FTCD: variants seen among roughly 807,000 people sequenced by gnomAD.
FTCD encodes formimidoyltransferase cyclodeaminase.
Under a neutral mutation model 62.9 loss-of-function variants are expected in FTCD, and 76 were observed. The ratio of observed to expected loss-of-function variants is 1.21; its 90% confidence interval spans 1.00 to 1.46. The LOEUF is 1.46. Ranked by LOEUF, FTCD falls within the 40% of genes most tolerant of loss-of-function variation. The pLI is 0.00. For synonymous variants in FTCD, 397 were observed against 336.9 expected (o/e 1.18, Z -1.95); for missense variants, 845 against 751.3 (o/e 1.12, Z -1.46).
At chr21:46,136,778 G>T (rs775316786), downstream of FTCD, 1 of 1,516,192 alleles carries the variant, frequency 6.6e-7, no homozygotes, top group African/African-American at 1.4e-5. Context: ...CACAACACAG[G>T]TTTGGTGCCA....
At chr21:46,142,154 C>T (rs954584095) in intron 10 of FTCD, 1 of 152,320 alleles carries the variant, frequency 6.6e-6, no homozygotes, top group African/African-American at 2.4e-5. Context: ...GTCTACACCT[C>T]CCTGCAAACA....
intron 10 of FTCD, chr21:46,142,673 C>G (rs1036996065): frequency 2.0e-5 from 3 of 150,402 alleles, no homozygotes; most frequent in Non-Finnish European, 2.9e-5. Flanking sequence ...AAGAACAAAG[C>G]CCCCACAGCT....
At position 46,137,010 on chromosome 21, in the gene FTCD, A is replaced by G; in HGVS notation, c.1603T>C (p.Cys535Arg). ...AKTQAALVLD[C>R]LETRQE ...CGTCACTCCTGCCGGGTCTCCAAGCAGTCCAGCACCAGTGCAGCCTGGGTC... is the reference window on the plus strand; with the variant it reads ...CGTCACTCCTGCCGGGTCTCCAAGCGGTCCAGCACCAGTGCAGCCTGGGTC... The change falls in exon 14 of 14, where the codon TGC (cysteine) becomes CGC (arginine). Residue 535 changes from cysteine to arginine, a missense_variant. Cys to Arg is a radical substitution (Grantham distance 180). Coordinates refer to ENST00000397746, the MANE Select transcript of FTCD (RefSeq NM_206965.2). 1 of 1,613,544 alleles carries G rather than the reference A, an allele frequency of 6.2e-7. No homozygotes were observed. The highest frequency in any genetic ancestry group is 8.5e-7 in the Non-Finnish European group (1 of 1,179,986).
chr21:46,155,257 C>T (rs143256332), intron 1 of FTCD, among the ~76,000 whole-genome samples: 9 of 152,308 alleles, frequency 5.9e-5, no homozygotes, highest in Non-Finnish European at 1.2e-4. Flanking sequence ...CCTCAGCCCC[C>T]ACAAGCACCA....
intron 10 of FTCD, among the ~76,000 whole-genome samples, chr21:46,143,913 T>C (rs548949047): frequency 1.3e-5 from 2 of 152,310 alleles, no homozygotes; most frequent in South Asian, 4.1e-4. Context: ...GATGCTGTGC[T>C]TTAGAGCTCA....
intron 10 of FTCD, among the ~76,000 whole-genome samples, chr21:46,140,147 C>T (rs1276301693): frequency 1.3e-5 from 2 of 152,224 alleles, no homozygotes; most frequent in Admixed American, 1.3e-4. Context: ...GGAGCATAAA[C>T]CAATCCAGCA....
intron 10 of FTCD, 83 bp from the exon 11 acceptor site, chr21:46,139,006 C>G (rs1307582188): frequency 1.9e-6 from 2 of 1,044,476 alleles, no homozygotes; most frequent in African/African-American, 3.1e-5. Context: ...GGGGCTGTAG[C>G]AAGGAGCATG....
At chr21:46,150,082 C>G in intron 7 of FTCD, 37 bp downstream of exon 7, 7 of 1,573,118 alleles carry the variant, frequency 4.4e-6, no homozygotes, top group Non-Finnish European at 5.2e-6. Flanking sequence ...CCTCCCTGCA[C>G]GCCCCTGTCC....
At position 46,154,838 on chromosome 21, in the gene FTCD, G is replaced by A. The variant is rs191947568; in HGVS notation, c.55-506C>T. ...GTGCTGGCTGGAATCCCGGCATGAC[G>A]AGGCCTCCCTGCACCCCTGCGGGTG... is the stretch of plus-strand genomic sequence containing the variant. On this transcript the variant is annotated intron_variant, in intron 1 of 13. Coordinates refer to ENST00000397746, the MANE Select transcript of FTCD (RefSeq NM_206965.2). Among the ~76,000 whole-genome samples, 17 of 152,344 alleles carry A rather than the reference G, an allele frequency of 1.1e-4. No individual in the cohort carries two copies. The East Asian group carries it at 2.1e-3, about 19-fold the overall frequency.
At chr21:46,143,175 C>T (rs2079058047) in intron 10 of FTCD, among the ~76,000 whole-genome samples, 1 of 152,198 alleles carries the variant, frequency 6.6e-6, no homozygotes, top group Non-Finnish European at 1.5e-5. Flanking sequence ...GCCTTTCTCA[C>T]CCAGCCTTGT....
At chr21:46,147,710 G>A (rs754961336) in intron 7 of FTCD, among the ~76,000 whole-genome samples, 4 of 151,506 alleles carry the variant, frequency 2.6e-5, no homozygotes, top group African/African-American at 7.3e-5. Flanking sequence ...AGGCTGAGGC[G>A]GACGGATCAC....
chr21:46,151,122 G>A (rs62214039), intron 5 of FTCD, among the ~76,000 whole-genome samples: 1 of 152,138 alleles, frequency 6.6e-6, no homozygotes, highest in Non-Finnish European at 1.5e-5. Flanking sequence ...CCGGAGTGAC[G>A]CTCAGACCGG....
chr21:46,150,022 G>A, intron 7 of FTCD, 97 bp downstream of exon 7: 1 of 1,146,984 alleles, frequency 8.7e-7, no homozygotes, highest in Non-Finnish European at 1.3e-6. Flanking sequence ...GGGGAGGAGG[G>A]GGAGGGAAGC....
At chr21:46,139,510 C>T (rs1470724052) in intron 10 of FTCD, among the ~76,000 whole-genome samples, 4 of 152,214 alleles carry the variant, frequency 2.6e-5, no homozygotes, top group Non-Finnish European at 5.9e-5. Flanking sequence ...ACTGGGAGCC[C>T]TACTCACACG....
At position 46,151,788 on chromosome 21, in the gene FTCD, C is replaced by G. The variant is rs954872247; in HGVS notation, c.457-51G>C. On this transcript the variant is annotated intron_variant, in intron 4 of 13. Transcript: ENST00000397746. ...AGACATCCCCCACGGGAGGGAACAG[C>G]CCCCCGGGGTCCCGGGAAGGAGGGG... The G allele has an allele frequency of 3.1e-6, 5 of 1,601,428 alleles. No individual in the cohort carries two copies. The African/African-American group carries it at 5.4e-5, about 17-fold the overall frequency.
At position 46,153,526 on chromosome 21, in the gene FTCD, G is replaced by A. The variant is rs115459825; in HGVS notation, c.239-491C>T. On this transcript the variant is annotated intron_variant, in intron 2 of 13. Transcript: ENST00000397746. The stretch of plus-strand genomic sequence containing the variant: ...ATTCTTCTCACTAGCTGAGTCCCTC[G>A]CTGTGGCTACACCAAGCCGTGGGTC... Among the ~76,000 whole-genome samples, 1,131 of 152,216 alleles carry A rather than the reference G, an allele frequency of 7.4e-3. 15 individuals carry two copies. Among genetic ancestry groups the A allele is most frequent in the African/African-American group, 0.026 (1,072 of 41,542 alleles).
chr21:46,138,715 C>T (rs1005734881), intron 11 of FTCD, 69 bp from the exon 12 acceptor site: 8 of 1,537,274 alleles, frequency 5.2e-6, no homozygotes, highest in Non-Finnish European at 7.1e-6. Flanking sequence ...CACTGCACCC[C>T]AACAGGGCTG....
chr21:46,136,426 T>C (rs773032302), downstream of FTCD: 2 of 1,612,486 alleles, frequency 1.2e-6, no homozygotes, highest in Admixed American at 1.7e-5. Flanking sequence ...TGTCCAGACC[T>C]GCCGGGAGCT....
At chr21:46,143,453 A>G (rs2079063183) in intron 10 of FTCD, among the ~76,000 whole-genome samples, 1 of 152,200 alleles carries the variant, frequency 6.6e-6, no homozygotes, top group African/African-American at 2.4e-5. Flanking sequence ...GTACAATAAA[A>G]TATATAAAAT....
Sources: allele counts gnomAD v4.1 joint callset (sites outside exome capture counted in the v4.1 genomes callset), GRCh38; gene constraint gnomAD v4.1.1; transcripts MANE v1.5; gene names NCBI Gene and HGNC (gene_info 2026-07-23, HGNC 2026-07-21).